ITGAE: variants seen among roughly 807,000 people sequenced by gnomAD.
ITGAE encodes the protein integrin alpha-E.
ITGAE carries 99 observed loss-of-function variants against 136.5 expected under a neutral mutation model. The ratio of observed to expected loss-of-function variants is 0.73; its 90% CI spans 0.62 to 0.86. ITGAE has a LOEUF of 0.86. Ranked by LOEUF, ITGAE falls within the 40% of genes least tolerant of loss-of-function variation. The pLI is 0.00. For missense variants in ITGAE, 1,447 were observed against 1,515.3 expected, an observed-to-expected ratio of 0.95 and a Z score of 0.75; for synonymous variants, 613 against 591.8, an observed-to-expected ratio of 1.04 and a Z score of -0.52.
intron 20 of ITGAE, 50 bp from the exon 21 acceptor site, chr17:3,734,999 C>T (rs771963850): frequency 6.2e-7 from 1 of 1,606,068 alleles, no homozygotes; most frequent in South Asian, 1.1e-5. Flanking sequence ...TCTGTAAAAA[C>T]CTCAACGCAA....
At chr17:3,757,652 C>G in intron 9 of ITGAE, 54 bp downstream of exon 9, 40 of 1,591,216 alleles carry the variant, frequency 2.5e-5, no homozygotes, top group Non-Finnish European at 3.2e-5. Flanking sequence ...CCTGGCTTCT[C>G]CCCACCCCAG....
rs751620637 is a variant in ITGAE at position 3,757,719 on chromosome 17, C to T, written c.1007G>A (p.Arg336His). The T allele has an allele frequency of 6.2e-6, 10 of 1,613,878 alleles. No individual in the cohort carries two copies. The highest frequency in any genetic ancestry group is 4.4e-5 in the South Asian group (4 of 91,064). Residue 336 changes from arginine (R) to histidine (H), a missense_variant, in exon 9 of 31, where the codon CGC becomes CAC. By Grantham distance (29) the Arg-to-His change is conservative (BLOSUM62 0). Coordinates refer to ENST00000263087, the MANE Select transcript of ITGAE (RefSeq NM_002208.5). ...CCTGGCTCTTACCCCAATGGCAAAGCGCTCAACACCCTGCATTTTGGGGGA... is the reference window on the plus strand; with the variant it reads ...CCTGGCTCTTACCCCAATGGCAAAGTGCTCAACACCCTGCATTTTGGGGGA... ...INSPKMQGVERFAIGVGEEFK... is the reference protein window; with the variant it reads ...INSPKMQGVEHFAIGVGEEFK...
rs2053192564 is a variant in ITGAE, at chr17:3,799,260, A to G, written c.34+1851T>C. The stretch of plus-strand genomic sequence containing the variant: ...ACCTCACAGCATGGAGCAGAACTGC[A>G]GCAGCCTCGTTTCCGCCACCCACAC... On this transcript the variant is annotated intron_variant, in intron 1 of 30. Transcript: ENST00000263087. This position sits in a 1 kb window ranked among gnomAD's most constrained non-coding sequence, Gnocchi z 4.1. Among the ~76,000 whole-genome samples, 1 of 152,152 alleles carries G rather than the reference A, an allele frequency of 6.6e-6. No homozygotes were observed. Among genetic ancestry groups the G allele is most frequent in the Non-Finnish European group, 1.5e-5 (1 of 68,016 alleles).
At chr17:3,724,873 A>T in intron 26 of ITGAE, 1 of 1,613,984 alleles carries the variant, frequency 6.2e-7, no homozygotes, top group Non-Finnish European at 8.5e-7. Flanking sequence ...CGGAGAGAGC[A>T]TCAGGAGGCC....
chr17:3,783,131 T>C (rs983900023), intron 1 of ITGAE, among the ~76,000 whole-genome samples: 11 of 152,158 alleles, frequency 7.2e-5, no homozygotes, highest in Non-Finnish European at 1.5e-4. Context: ...ACTTTTGCTA[T>C]GACTTTATTT....
At position 3,750,458 on chromosome 17, in the gene ITGAE, G is replaced by C. The variant is rs199507211; in HGVS notation, c.1918C>G (p.Pro640Ala). ...SQRIRASTVA[P>A]GLQYFGMSMA... ...GACATGCCGAAGTACTGGAGTCCTG[G>C]GGCCACCGTGGAGGCTCTGATCCGC... The change falls in exon 16 of 31, where the codon CCA becomes GCA. Residue 640 changes from proline to alanine, a missense_variant. By Grantham distance (27) the Pro-to-Ala change is conservative. Coordinates refer to ENST00000263087, the MANE Select transcript of ITGAE (RefSeq NM_002208.5). 1.2e-3 allele frequency: 1,967 copies of C among 1,614,112 alleles called. 33 individuals are homozygous for C. The South Asian group carries it at 0.021, about 17-fold the overall frequency.
At chr17:3,750,236 C>T in intron 16 of ITGAE, 116 bp downstream of exon 16, 1 of 1,436,240 alleles carries the variant, frequency 7.0e-7, no homozygotes, top group Non-Finnish European at 9.4e-7. Flanking sequence ...AGCCTGTGCC[C>T]ACAACCACGG....
At chr17:3,745,974 C>T in intron 17 of ITGAE, 47 bp from the exon 18 acceptor site, 1 of 1,570,176 alleles carries the variant, frequency 6.4e-7, no homozygotes. Context: ...GATGAGCCAG[C>T]CGCAGACAGA....
Position 3,745,859 on chromosome 17 carries a change from A to G in ITGAE, c.2224T>C (p.Cys742Arg), listed in dbSNP as rs201805385. The G allele has an allele frequency of 7.4e-6, 12 of 1,613,970 alleles. No individual in the cohort carries two copies. The highest frequency in any genetic ancestry group is 2.2e-5 in the South Asian group (2 of 91,080). The change falls in exon 18 of 31, where the codon TGT (cysteine) becomes CGT (arginine). Residue 742 changes from cysteine to arginine, a missense_variant. Transcript: ENST00000263087. ...DVGKQRRRLQ[C>R]SDVRSCLGCL... ...CCCAGACAGCTTCTTACGTCTGAAC[A>G]CTGCAGCCGTCTCCTCTGCTTCCCC...
In ITGAE at chr17:3,755,157, C is replaced by CGCCGCT; in HGVS notation, c.1338_1343dup (p.Ala450_Ala451dup). Reference sequence around the variant, plus strand: ...GCGCAGCCTCCGCGTCTGCCGCCGCCGCCGCTGTCTGGTTCAGGAAGCGGC... The same window carrying CGCCGCT: ...GCGCAGCCTCCGCGTCTGCCGCCGCCGCCGCTGCCGCTGTCTGGTTCAGGAAGCGGC... On this transcript the variant is annotated inframe_insertion, in exon 12 of 31. Transcript: ENST00000263087. 1.9e-6 allele frequency: 3 copies of CGCCGCT among 1,555,742 alleles called. No homozygotes were observed. Among genetic ancestry groups the CGCCGCT allele is most frequent in the Non-Finnish European group, 1.7e-6 (2 of 1,150,708 alleles).
chr17:3,745,804 T>A lies in ITGAE; in HGVS notation c.2279A>T (p.Gln760Leu), dbSNP rs773752420. The A allele has an allele frequency of 1.2e-6, 2 of 1,614,114 alleles. No individual in the cohort carries two copies. The highest frequency in any genetic ancestry group is 1.7e-6 in the Non-Finnish European group (2 of 1,180,020). Residue 760 changes from glutamine (Q) to leucine (L), a missense_variant, in exon 18 of 31, where the codon CAG becomes CTG. Gln to Leu is a moderately radical substitution (Grantham distance 113). Coordinates refer to ENST00000263087, the MANE Select transcript of ITGAE (RefSeq NM_002208.5). ...GCLREWSSGS[Q>L]LCEDLLLMPT... ...CATGAGCAGGAGGTCCTCACAAAGC[T>A]GGGATCCGCTGCTCCACTCCCTCAG...
intron 18 of ITGAE, 141 bp downstream of exon 18, chr17:3,745,623 T>G: frequency 1.2e-6 from 1 of 829,890 alleles, no homozygotes; most frequent in Non-Finnish European, 1.8e-6. Context: ...ATGACAGGCG[T>G]GAGCCACCGT....
At chr17:3,785,829 T>A in intron 1 of ITGAE, among the ~76,000 whole-genome samples, 1 of 148,334 alleles carries the variant, frequency 6.7e-6, no homozygotes, top group African/African-American at 2.5e-5. Flanking sequence ...CCAACATGAA[T>A]AAAAAATAGA....
At chr17:3,723,970 T>C in intron 26 of ITGAE, 1 of 1,574,674 alleles carries the variant, frequency 6.4e-7, no homozygotes, top group Non-Finnish European at 8.6e-7. Context: ...GGGAGCCGGC[T>C]TTTCCGCACA....
chr17:3,727,298 G>A (rs1007387464), intron 26 of ITGAE, among the ~76,000 whole-genome samples: 1 of 152,108 alleles, frequency 6.6e-6, no homozygotes, highest in African/African-American at 2.4e-5. Flanking sequence ...CTTATAGGGG[G>A]CAGTGTAAGA....
chr17:3,782,340 AGTGTGT>A lies in ITGAE; in HGVS notation c.35-4686_35-4681del, dbSNP rs151134975. ...ATGCCACTCCATTGCTTAAATCTCT[AGTGTGT>A]GTGTGTGTGTGTGTGTGTGTGTGTA... On this transcript the variant is annotated intron_variant, in intron 1 of 30. Coordinates refer to ENST00000263087, the MANE Select transcript of ITGAE (RefSeq NM_002208.5). Among the ~76,000 whole-genome samples the A allele has an allele frequency of 1.3e-3, 138 of 109,618 alleles. 1 individual carries two copies. Among genetic ancestry groups the A allele is most frequent in the African/African-American group, 4.4e-3 (126 of 28,930 alleles). 71.9% of individuals were successfully genotyped at this position (109,618 alleles called of 152,430 possible).
intron 2 of ITGAE, among the ~76,000 whole-genome samples, chr17:3,773,374 T>A (rs1322314858): frequency 4.6e-5 from 7 of 151,894 alleles, no homozygotes; most frequent in Non-Finnish European, 1.0e-4. Flanking sequence ...GCCTGTAATC[T>A]CAGCTACTAG....
At chr17:3,784,369 C>A in intron 1 of ITGAE, 2 of 323,380 alleles carry the variant, frequency 6.2e-6, no homozygotes, top group South Asian at 2.4e-5. Context: ...ACAGACAAAA[C>A]TCTGTACCCA....
intron 3 of ITGAE, among the ~76,000 whole-genome samples, chr17:3,763,530 C>A (rs1462241526): frequency 6.6e-6 from 1 of 152,176 alleles, no homozygotes; most frequent in East Asian, 1.9e-4. Context: ...AAAAGACCTA[C>A]ATTCTCTGAA....
Sources: gnomAD v4.1 joint callset for allele counts (sites outside exome capture counted in the v4.1 genomes callset) on GRCh38, gnomAD v4.1.1 for gene constraint, Gnocchi (gnomAD v3.1) non-coding constraint, MANE v1.5 for transcripts, NCBI Gene and HGNC (gene_info 2026-07-23, HGNC 2026-07-21) for gene names.